Variants in ZNF248 observed in about 807,000 individuals in gnomAD.
The protein encoded by ZNF248 is KRAB protein domain.
A neutral mutation model predicts 44.3 loss-of-function variants in ZNF248; 20 were observed. That is an observed-to-expected ratio of 0.45 (90% CI 0.32 to 0.66). The LOEUF is 0.66. ZNF248 is among the 30% of genes least tolerant of loss of function. The pLI is 0.04. For synonymous variants in ZNF248, 224 were observed against 229.0 expected (o/e 0.98, Z 0.20); for missense variants, 654 against 677.0 (o/e 0.97, Z 0.38).
chr10:37,854,448 TAA>T (rs1182965904), intron 3 of ZNF248, among the ~76,000 whole-genome samples: 2 of 152,062 alleles, frequency 1.3e-5, no homozygotes, highest in Non-Finnish European at 2.9e-5. Flanking sequence ...AAAATAAATA[TAA>T]GACACCCTTA....
At position 37,840,282 on chromosome 10, in the gene ZNF248, TA is replaced by T. The variant is rs1201499334; in HGVS notation, c.16-2172del. On this transcript the variant is annotated intron_variant, in intron 3 of 5. Transcript: ENST00000395867. ...GAAAAAATATTTGCAAACACTTACC[TA>T]AAAAGGTGTTAGAAGCAGAATATGC... 3.3e-5 allele frequency among the ~76,000 whole-genome samples: 5 copies of T among 152,150 alleles called. No homozygotes were observed. In the South Asian group the frequency reaches 1.0e-3, roughly 32 times the overall value.
intron 6 of ZNF248, among the ~76,000 whole-genome samples, chr10:37,810,436 C>A (rs569295150): frequency 3.5e-4 from 53 of 152,152 alleles, no homozygotes; most frequent in African/African-American, 1.3e-3. Flanking sequence ...TTCTTTATCT[C>A]TTGTGACCTT....
At chr10:37,765,497 A>C in the ZNF248 span, among the ~76,000 whole-genome samples, 1 of 152,206 alleles carries the variant, frequency 6.6e-6, no homozygotes, top group Non-Finnish European at 1.5e-5. Context: ...AGTTATGACA[A>C]TTCAGTTAAG....
At chr10:37,770,092 A>C in the ZNF248 span, among the ~76,000 whole-genome samples, 1 of 152,184 alleles carries the variant, frequency 6.6e-6, no homozygotes, top group Non-Finnish European at 1.5e-5. Flanking sequence ...CTTCAAGGAG[A>C]ACTACAAACC....
intron 6 of ZNF248, among the ~76,000 whole-genome samples, chr10:37,782,137 C>T (rs1032627724): frequency 4.6e-5 from 7 of 152,186 alleles, no homozygotes; most frequent in African/African-American, 1.7e-4. Context: ...TCAATGAAGT[C>T]AATCTACCAA....
intron 6 of ZNF248, among the ~76,000 whole-genome samples, chr10:37,810,082 C>T (rs2051252294): frequency 6.6e-6 from 1 of 152,152 alleles, no homozygotes; most frequent in Admixed American, 6.5e-5. Flanking sequence ...TTTTTAAATG[C>T]AGACCAGGTC....
At chr10:37,842,577 C>T (rs146452469) in intron 3 of ZNF248, among the ~76,000 whole-genome samples, 1 of 152,226 alleles carries the variant, frequency 6.6e-6, no homozygotes, top group African/African-American at 2.4e-5. Context: ...CAAGGAATTG[C>T]TTATCTGTTC....
At chr10:37,833,741 GT>G (rs1254282171) in intron 5 of ZNF248, among the ~76,000 whole-genome samples, 1 of 151,906 alleles carries the variant, frequency 6.6e-6, no homozygotes, top group African/African-American at 2.4e-5. Flanking sequence ...AGAAGAAATA[GT>G]TTTTTTTAAT....
rs916235250 is a variant in ZNF248 at position 37,831,574 on chromosome 10, CTG to C, written c.*39_*40del. ...CTTTCTCTGATCTCCTTTTTTGAAA[CTG>C]TATAACCAATTTCACAAGTGTATGA... On this transcript the variant is annotated 3_prime_UTR_variant, in exon 6 of 6. Coordinates refer to ENST00000395867, the MANE Select transcript of ZNF248 (RefSeq NM_021045.3). 1 of 1,575,288 alleles carries C rather than the reference CTG, an allele frequency of 6.3e-7. No individual in the cohort carries two copies. Among genetic ancestry groups the C allele is most frequent in the African/African-American group, 1.4e-5 (1 of 73,058 alleles).
At chr10:37,791,045 T>TC (rs1478131150) in intron 6 of ZNF248, among the ~76,000 whole-genome samples, 21 of 90,106 alleles carry the variant, frequency 2.3e-4, no homozygotes, top group African/African-American at 1.1e-3. Flanking sequence ...GTTATTTCTT[T>TC]TTTTTTTTTT....
At chr10:37,789,019 A>T (rs2048210785) in intron 6 of ZNF248, among the ~76,000 whole-genome samples, 1 of 152,044 alleles carries the variant, frequency 6.6e-6, no homozygotes. Context: ...CTACAGGCAC[A>T]TGCCTCCATC....
At chr10:37,820,036 C>A in intron 6 of ZNF248, 1 of 807,196 alleles carries the variant, frequency 1.2e-6, no homozygotes, top group South Asian at 1.3e-5. Context: ...TGAGGACTTT[C>A]TTGCTCATTG....
chr10:37,803,254 A>G (rs2050056819), intron 6 of ZNF248: 1 of 152,226 alleles, frequency 6.6e-6, no homozygotes, highest in Non-Finnish European at 1.5e-5. Flanking sequence ...AGGAACAATG[A>G]TGCATCTCCA....
rs137877519 is a variant in ZNF248 at position 37,832,250 on chromosome 10, G to C, written c.1105C>G (p.Gln369Glu). 1.2e-6 allele frequency: 2 copies of C among 1,613,894 alleles called. No individual in the cohort carries two copies. The highest frequency in any genetic ancestry group is 2.7e-5 in the African/African-American group (2 of 74,882). The change falls in exon 6 of 6, where the codon CAG becomes GAG. Residue 369 changes from glutamine to glutamate, a missense_variant. By Grantham distance (29) the Gln-to-Glu change is conservative. Coordinates refer to ENST00000395867, the MANE Select transcript of ZNF248 (RefSeq NM_021045.3). ...TCTCCTGTGTGAGCTCTCCGAAGCT[G>C]GGTAAGATGTGACTTCTTGCTGAAA... is the stretch of plus-strand genomic sequence containing the variant. ...SNFSKKSHLT[Q>E]LRRAHTGEKT...
intron 3 of ZNF248, among the ~76,000 whole-genome samples, chr10:37,847,719 CTGATA>C (rs2059554039): frequency 1.3e-5 from 2 of 149,708 alleles, no homozygotes; most frequent in African/African-American, 4.8e-5. Flanking sequence ...GAGATACTTA[CTGATA>C]TGTTTACAAA....
chr10:37,770,156 C>T, the ZNF248 span, among the ~76,000 whole-genome samples: 1 of 152,174 alleles, frequency 6.6e-6, no homozygotes, highest in East Asian at 1.9e-4. Context: ...ATTCCATGCT[C>T]ATGGGTAGGA....
intron 6 of ZNF248, among the ~76,000 whole-genome samples, chr10:37,791,136 G>A (rs781607212): frequency 5.1e-5 from 7 of 137,208 alleles, no homozygotes; most frequent in Non-Finnish European, 1.1e-4. Flanking sequence ...CTGCTTCCCG[G>A]GTTCACGCCA....
intron 6 of ZNF248, chr10:37,819,048 A>G (rs1329838113): frequency 1.2e-6 from 1 of 805,086 alleles, no homozygotes; most frequent in Middle Eastern, 3.4e-4. Flanking sequence ...ACTGAATTGT[A>G]GCTATCATCA....
chr10:37,778,762 G>T lies in ZNF248; in HGVS notation c.331-2187C>A, dbSNP rs560733818. On this transcript the variant is annotated intron_variant, in intron 6 of 6. Transcript: ENST00000615949. ...TTTGAAAGGATCAACAAAATAGACTGCTAGCAAGACTAATAAAGAAAAAAA... is the reference window on the plus strand; with the variant it reads ...TTTGAAAGGATCAACAAAATAGACTTCTAGCAAGACTAATAAAGAAAAAAA... Among the ~76,000 whole-genome samples the T allele has an allele frequency of 7.9e-5, 12 of 152,164 alleles. No individual in the cohort carries two copies. In the East Asian group the frequency reaches 2.3e-3, roughly 29 times the overall value.
Sources: gnomAD v4.1 joint callset for allele counts (sites outside exome capture counted in the v4.1 genomes callset) on GRCh38, gnomAD v4.1.1 for gene constraint, MANE v1.5 for transcripts, NCBI Gene and HGNC (gene_info 2026-07-23, HGNC 2026-07-21) for gene names.